Variants in WASF1 observed in about 807,000 individuals in gnomAD.
The protein encoded by WASF1 is actin-binding protein WASF1.
In WASF1, 7 loss-of-function variants were observed where a neutral mutation model predicts 50.5. The ratio of observed to expected loss-of-function variants is 0.14; its 90% CI spans 0.08 to 0.26. WASF1 has a LOEUF of 0.26. WASF1 is among the 10% of genes least tolerant of loss of function. The pLI is 1.00. For missense variants in WASF1, 470 were observed against 694.7 expected, an observed-to-expected ratio of 0.68 and a Z score of 3.64; for synonymous variants, 205 against 244.0, an observed-to-expected ratio of 0.84 and a Z score of 1.49.
At chr6:110,142,971 A>AAAC (rs1562179516) in intron 3 of WASF1, among the ~76,000 whole-genome samples, 1 of 150,782 alleles carries the variant, frequency 6.6e-6, no homozygotes, top group African/African-American at 2.4e-5. Flanking sequence ...AAAAAAAAAA[A>AAAC]AACTAAAGCA....
intron 8 of WASF1, 27 bp downstream of exon 8, chr6:110,105,380 T>TAAAA: frequency 8.2e-7 from 1 of 1,215,680 alleles, no homozygotes; most frequent in Non-Finnish European, 1.1e-6. Context: ...TTTTATCATT[T>TAAAA]AAAAAAAAAA....
chr6:110,119,035 T>C, intron 4 of WASF1, among the ~76,000 whole-genome samples: 1 of 152,156 alleles, frequency 6.6e-6, no homozygotes, highest in Admixed American at 6.5e-5. Flanking sequence ...CTGGGACACA[T>C]TTAAAGCAGT....
At chr6:110,171,712 C>T (rs1776723153) in intron 2 of WASF1, among the ~76,000 whole-genome samples, 1 of 152,128 alleles carries the variant, frequency 6.6e-6, no homozygotes, top group South Asian at 2.1e-4. Context: ...AGCTTCTGCA[C>T]TGCAAAAGAA....
chr6:110,169,942 G>A (rs1269388302), intron 2 of WASF1, among the ~76,000 whole-genome samples: 1 of 151,196 alleles, frequency 6.6e-6, no homozygotes, highest in African/African-American at 2.4e-5. Context: ...ATAAATACCA[G>A]AAAATCTACA....
At chr6:110,150,177 T>C (rs1460054441) in intron 3 of WASF1, among the ~76,000 whole-genome samples, 1 of 152,194 alleles carries the variant, frequency 6.6e-6, no homozygotes. Flanking sequence ...TTACATATTA[T>C]GGTTAAAATA....
intron 4 of WASF1, among the ~76,000 whole-genome samples, chr6:110,126,410 AT>A (rs1774419200): frequency 6.6e-6 from 1 of 152,212 alleles, no homozygotes; most frequent in Admixed American, 6.5e-5. Context: ...CAATGCAAAA[AT>A]TTAGTACTCT....
At chr6:110,124,456 G>C (rs1045737127) in intron 4 of WASF1, among the ~76,000 whole-genome samples, 1 of 150,680 alleles carries the variant, frequency 6.6e-6, no homozygotes, top group African/African-American at 2.5e-5. Flanking sequence ...CGTGAGACAA[G>C]AACCTGGACC....
At chr6:110,174,246 C>G (rs1776833951) in intron 2 of WASF1, among the ~76,000 whole-genome samples, 1 of 152,122 alleles carries the variant, frequency 6.6e-6, no homozygotes, top group Non-Finnish European at 1.5e-5. Context: ...CAGTGTAAAT[C>G]CAGTTCCCTC....
chr6:110,116,947 G>C (rs1244483481), intron 4 of WASF1, among the ~76,000 whole-genome samples: 1 of 152,108 alleles, frequency 6.6e-6, no homozygotes, highest in African/African-American at 2.4e-5. Flanking sequence ...GGGTCTGACT[G>C]TTAGAAGGAA....
intron 7 of WASF1, among the ~76,000 whole-genome samples, chr6:110,106,251 C>G (rs544751536): frequency 6.6e-6 from 1 of 152,306 alleles, no homozygotes; most frequent in South Asian, 2.1e-4. Context: ...CCATCTCAGG[C>G]ACTCTAGTTC....
chr6:110,121,726 A>T (rs753695847), intron 4 of WASF1, among the ~76,000 whole-genome samples: 1 of 152,154 alleles, frequency 6.6e-6, no homozygotes, highest in Non-Finnish European at 1.5e-5. Flanking sequence ...TATAAAGACA[A>T]ATGCACATGT....
intron 4 of WASF1, among the ~76,000 whole-genome samples, chr6:110,124,228 TCTCTC>T (rs1280429993): frequency 9.3e-5 from 3 of 32,108 alleles, no homozygotes; most frequent in Admixed American, 4.5e-4. Flanking sequence ...CTCTCTCTCC[TCTCTC>T]TCCTCTCTCT....
chr6:110,112,569 A>G (rs543451001), intron 5 of WASF1, among the ~76,000 whole-genome samples: 1 of 152,304 alleles, frequency 6.6e-6, no homozygotes, highest in African/African-American at 2.4e-5. Context: ...TAAATAACTA[A>G]TAAGACTTTA....
chr6:110,170,701 A>G (rs1004661200), intron 2 of WASF1, among the ~76,000 whole-genome samples: 5 of 152,174 alleles, frequency 3.3e-5, no homozygotes, highest in Non-Finnish European at 1.5e-5. Context: ...TATATTGTAT[A>G]CAAGAAACCC....
chr6:110,139,207 G>C (rs1308599329), intron 3 of WASF1, among the ~76,000 whole-genome samples: 1 of 152,238 alleles, frequency 6.6e-6, no homozygotes, highest in East Asian at 1.9e-4. Context: ...ATCGGGGAGA[G>C]ACCAGGGAGT....
At chr6:110,175,968 A>G (rs1185225254) in intron 2 of WASF1, among the ~76,000 whole-genome samples, 3 of 152,122 alleles carry the variant, frequency 2.0e-5, no homozygotes, top group Non-Finnish European at 4.4e-5. Context: ...CCTATAATTC[A>G]GGTATTTTAT....
At chr6:110,149,260 AC>A (rs1196923451) in intron 3 of WASF1, among the ~76,000 whole-genome samples, 1 of 151,834 alleles carries the variant, frequency 6.6e-6, no homozygotes, top group African/African-American at 2.4e-5. Context: ...TGCCCGCTTT[AC>A]CTATTTCAGC....
chr6:110,114,987 G>A (rs905025713), intron 4 of WASF1, among the ~76,000 whole-genome samples: 13 of 151,942 alleles, frequency 8.6e-5, no homozygotes, highest in African/African-American at 3.1e-4. Context: ...AGCTACTTGG[G>A]GAGGTGAGGC....
chr6:110,171,756 T>C (rs182878697), intron 2 of WASF1, among the ~76,000 whole-genome samples: 22 of 152,114 alleles, frequency 1.4e-4, no homozygotes, highest in African/African-American at 5.1e-4. Context: ...ACCTACAGAA[T>C]GGGAGAAAAT....
Sources: gnomAD v4.1 joint callset for allele counts (sites outside exome capture counted in the v4.1 genomes callset) on GRCh38, gnomAD v4.1.1 for gene constraint, MANE v1.5 for transcripts, NCBI Gene and HGNC (gene_info 2026-07-23, HGNC 2026-07-21) for gene names.